The following BPTF variants were observed in gnomAD, a reference collection of about 807,000 sequenced individuals.
The protein encoded by BPTF is bromodomain PHD finger transcription factor.
A neutral mutation model predicts 292.5 loss-of-function variants in BPTF; 18 were observed. That is an observed-to-expected ratio of 0.06 (90% CI 0.04 to 0.09). The LOEUF (loss-of-function observed/expected upper bound fraction) is 0.09, where lower values mean the gene tolerates loss of function less well. Ranked by LOEUF, BPTF falls within the 10% of genes least tolerant of loss-of-function variation. The pLI is 1.00. For synonymous variants in BPTF, 1,225 were observed against 1,251.9 expected (o/e 0.98, Z 0.45); for missense variants, 2,726 against 3,498.7 (o/e 0.78, Z 5.57).
At chr17:67,923,265 T>C (rs2063585475) in intron 14 of BPTF, among the ~76,000 whole-genome samples, 1 of 151,796 alleles carries the variant, frequency 6.6e-6, no homozygotes, top group South Asian at 2.1e-4. Flanking sequence ...GCTATGTTGT[T>C]CAGGCTGATC....
chr17:67,835,176 A>T (rs1292580588), intron 1 of BPTF, among the ~76,000 whole-genome samples: 1 of 151,942 alleles, frequency 6.6e-6, no homozygotes, highest in Non-Finnish European at 1.5e-5. Flanking sequence ...ATGCCACCAC[A>T]CTCCAGCCTG....
chr17:67,869,865 G>C (rs969962412), intron 3 of BPTF, among the ~76,000 whole-genome samples: 1 of 150,200 alleles, frequency 6.7e-6, no homozygotes, highest in African/African-American at 2.4e-5. Context: ...AGCCAGGCGT[G>C]GTGGCAGGCA....
rs753831908 is a variant in BPTF at position 67,911,122 on chromosome 17, G to A, written c.3238G>A (p.Glu1080Lys). 7.4e-6 allele frequency: 12 copies of A among 1,613,808 alleles called. No individual in the cohort carries two copies. In the Admixed American group the frequency reaches 1.0e-4, roughly 13 times the overall value. Residue 1080 changes from glutamate to lysine, a missense_variant, in exon 11 of 28, where the codon GAA becomes AAA. By Grantham distance (56) the Glu-to-Lys change is moderately conservative. Coordinates refer to ENST00000306378, the MANE Select transcript of BPTF (RefSeq NM_182641.4). ...QFTLEEKQRL[E>K]KIKLEGGIKG... The stretch of plus-strand genomic sequence containing the variant: ...TACACTGGAAGAAAAACAGCGACTC[G>A]AAAAAATCAAGTTGGAGGGTGGAAT...
intron 8 of BPTF, 70 bp from the exon 9 acceptor site, chr17:67,904,632 A>G (rs1287935242): frequency 3.4e-6 from 4 of 1,173,860 alleles, no homozygotes; most frequent in Middle Eastern, 2.1e-4. Context: ...GTAAAAATGC[A>G]TAAAACCACA....
chr17:67,842,224 CAT>C (rs1442214253), intron 1 of BPTF, among the ~76,000 whole-genome samples: 2 of 151,980 alleles, frequency 1.3e-5, no homozygotes, highest in Non-Finnish European at 2.9e-5. Flanking sequence ...TATACATAGA[CAT>C]ATATCTACAT....
rs1458065895 is a variant in BPTF, at chr17:67,909,470, A to G, written c.2813-112A>G. 9.1e-6 allele frequency: 7 copies of G among 766,228 alleles called. No homozygotes were observed. In the East Asian group the frequency reaches 1.8e-4, roughly 20 times the overall value. The allele number at this position is 766,228 out of a possible 1,614,324, so 47.5% of individuals were successfully genotyped here. On this transcript the variant is annotated intron_variant, in intron 9 of 27. Coordinates refer to ENST00000306378, the MANE Select transcript of BPTF (RefSeq NM_182641.4). ...TGTCTTTTTTTTTTTTTTAAATGAA[A>G]AAATGAAACATAACTTGCTGGAAAT...
chr17:67,863,040 G>A (rs2059178754), intron 2 of BPTF, among the ~76,000 whole-genome samples: 2 of 152,058 alleles, frequency 1.3e-5, no homozygotes, highest in Admixed American at 1.3e-4. Flanking sequence ...CCAAAAGTTG[G>A]GAGTTTTCCA....
intron 7 of BPTF, among the ~76,000 whole-genome samples, chr17:67,902,770 C>G (rs2061932827): frequency 6.6e-6 from 1 of 152,168 alleles, no homozygotes; most frequent in South Asian, 2.1e-4. Context: ...GAAATCCCCT[C>G]CCACATCTTT....
At chr17:67,830,030 C>T (rs543496056) in intron 1 of BPTF, among the ~76,000 whole-genome samples, 14 of 152,254 alleles carry the variant, frequency 9.2e-5, no homozygotes, top group Admixed American at 7.9e-4. Flanking sequence ...AAAGGCATAT[C>T]GCTGAATAAT....
intron 27 of BPTF, among the ~76,000 whole-genome samples, chr17:67,977,175 CAT>C (rs1555694430): frequency 1.3e-5 from 2 of 152,096 alleles, no homozygotes; most frequent in African/African-American, 4.8e-5. Context: ...TATTTTCAGT[CAT>C]GTGAGGACTC....
intron 12 of BPTF, among the ~76,000 whole-genome samples, chr17:67,919,499 A>G (rs2063294042): frequency 6.6e-6 from 1 of 152,120 alleles, no homozygotes; most frequent in South Asian, 2.1e-4. Context: ...GTGGTCCACT[A>G]ATGTCTTCCA....
rs782736819 is a variant in BPTF at position 67,959,778 on chromosome 17, A to C, written c.8164A>C (p.Lys2722Gln). 6.2e-7 allele frequency: 1 copy of C among 1,614,002 alleles called. No homozygotes were observed. The highest frequency in any genetic ancestry group is 1.1e-5 in the South Asian group (1 of 91,090). ...GGAAGAGGAAAAAGACTCCAGCTCA[A>C]AGTCCAAGAAAAAGAAAATGATCTC... ...KREEEKDSSS[K>Q]SKKKKMISTT... The change falls in exon 24 of 28, where the codon AAG (lysine) becomes CAG (glutamine). Residue 2722 changes from lysine to glutamine, a missense_variant. By Grantham distance (53) the Lys-to-Gln change is moderately conservative. Transcript: ENST00000306378.
intron 18 of BPTF, among the ~76,000 whole-genome samples, chr17:67,937,665 C>T (rs2065025631): frequency 6.7e-6 from 1 of 150,370 alleles, no homozygotes; most frequent in African/African-American, 2.5e-5. Flanking sequence ...GATGGGTAGC[C>T]AGTGGATCTC....
At chr17:67,905,550 G>T (rs549537431) in intron 9 of BPTF, among the ~76,000 whole-genome samples, 1 of 151,580 alleles carries the variant, frequency 6.6e-6, no homozygotes, top group Non-Finnish European at 1.5e-5. Flanking sequence ...CTACAAAAAC[G>T]TTTTAAAAAT....
intron 17 of BPTF, among the ~76,000 whole-genome samples, chr17:67,931,280 G>T (rs966318175): frequency 2.0e-5 from 3 of 151,770 alleles, no homozygotes; most frequent in African/African-American, 4.8e-5. Flanking sequence ...AAATAAATAA[G>T]CAAGACTGTC....
intron 17 of BPTF, among the ~76,000 whole-genome samples, chr17:67,931,702 A>G (rs1257155851): frequency 6.6e-6 from 1 of 152,112 alleles, no homozygotes; most frequent in African/African-American, 2.4e-5. Context: ...GGAATTTTGT[A>G]TGATAGCATT....
intron 9 of BPTF, among the ~76,000 whole-genome samples, chr17:67,905,143 T>G (rs1598552295): frequency 6.6e-6 from 1 of 152,204 alleles, no homozygotes; most frequent in South Asian, 2.1e-4. Context: ...GGCGCGGTGG[T>G]TCACGCCTGT....
At chr17:67,953,877 G>A (rs9907491) in intron 23 of BPTF, among the ~76,000 whole-genome samples, 98,453 of 151,078 alleles carry the variant, frequency 0.65, 34,685 homozygotes, top group Non-Finnish European at 0.79. Flanking sequence ...ACTGTGCCTG[G>A]CTGTATAATT....
intron 18 of BPTF, among the ~76,000 whole-genome samples, chr17:67,939,089 G>C (rs922885554): frequency 3.9e-5 from 6 of 152,118 alleles, no homozygotes; most frequent in Admixed American, 2.6e-4. Flanking sequence ...CTTCAACTTA[G>C]TACTATATTC....
Sources: gnomAD v4.1 joint callset for allele counts (sites outside exome capture counted in the v4.1 genomes callset) on GRCh38, gnomAD v4.1.1 for gene constraint, MANE v1.5 for transcripts, NCBI Gene and HGNC (gene_info 2026-07-23, HGNC 2026-07-21) for gene names.